The following MGAT4C variants were observed in gnomAD, a reference collection of about 807,000 sequenced individuals.
MGAT4C encodes the protein MGAT4 family member C.
Under a neutral mutation model 40.1 loss-of-function variants are expected in MGAT4C, and 19 were observed. The observed-to-expected ratio is 0.47, with a 90% CI of 0.33 to 0.70. The LOEUF (loss-of-function observed/expected upper bound fraction) is 0.70, where lower values mean the gene tolerates loss of function less well. Ranked by LOEUF, MGAT4C falls within the 30% of genes least tolerant of loss-of-function variation. MGAT4C has a pLI of 0.02. For missense variants in MGAT4C, 491 were observed against 563.2 expected, an observed-to-expected ratio of 0.87 and a Z score of 1.30; for synonymous variants, 181 against 187.1, an observed-to-expected ratio of 0.97 and a Z score of 0.27.
At position 86,579,217 on chromosome 12, in the gene MGAT4C, CT is replaced by C. The variant is rs577868264; in HGVS notation, c.-228-143953del. On this transcript the variant is annotated intron_variant, in intron 2 of 7. Transcript: ENST00000548651. ...ATTGGTTTTCTGATTGTTTTGTGGT[CT>C]TCTCTTCCTCCTTTCTTTTCTTCCT... Among the ~76,000 whole-genome samples the C allele has an allele frequency of 5.3e-5, 8 of 151,436 alleles. No homozygotes were observed. The South Asian group carries it at 1.7e-3, about 31-fold the overall frequency.
intron 2 of MGAT4C, among the ~76,000 whole-genome samples, chr12:86,633,490 A>G (rs1963126237): frequency 6.6e-6 from 1 of 152,090 alleles, no homozygotes; most frequent in Admixed American, 6.6e-5. Context: ...GACTGTGACA[A>G]CCATCCTTTC....
At chr12:86,161,931 T>C (rs367646078) in intron 1 of MGAT4C, among the ~76,000 whole-genome samples, 1 of 151,760 alleles carries the variant, frequency 6.6e-6, no homozygotes, top group East Asian at 1.9e-4. Flanking sequence ...AAAACGTAAA[T>C]CAAAACTACA....
chr12:86,234,613 A>C (rs1306166624), intron 1 of MGAT4C, among the ~76,000 whole-genome samples: 3 of 152,134 alleles, frequency 2.0e-5, no homozygotes, highest in Non-Finnish European at 4.4e-5. Flanking sequence ...AAATCTTGAC[A>C]ACTCATACAT....
chr12:86,782,592 T>A (rs888632325), intron 1 of MGAT4C, among the ~76,000 whole-genome samples: 3 of 152,118 alleles, frequency 2.0e-5, no homozygotes, highest in Non-Finnish European at 2.9e-5. Flanking sequence ...AATGCAAGAT[T>A]TATATTTTGA....
At chr12:86,362,364 C>G (rs536452818) in intron 3 of MGAT4C, among the ~76,000 whole-genome samples, 1 of 152,154 alleles carries the variant, frequency 6.6e-6, no homozygotes, top group Non-Finnish European at 1.5e-5. Context: ...GGAGGGATAG[C>G]ATTAGGAGAA....
intron 1 of MGAT4C, among the ~76,000 whole-genome samples, chr12:86,189,502 C>G (rs2135895257): frequency 6.6e-6 from 1 of 151,928 alleles, no homozygotes; most frequent in South Asian, 2.1e-4. Flanking sequence ...AATTGAATGA[C>G]ACTGAAGAAC....
chr12:86,199,651 CAT>C (rs1460634792), intron 1 of MGAT4C, among the ~76,000 whole-genome samples: 16 of 152,056 alleles, frequency 1.1e-4, no homozygotes, highest in African/African-American at 3.6e-4. Flanking sequence ...TCTATGAAAT[CAT>C]ATACTATAGA....
intron 3 of MGAT4C, among the ~76,000 whole-genome samples, chr12:86,433,333 C>T (rs532057937): frequency 1.6e-5 from 2 of 126,006 alleles, no homozygotes; most frequent in Middle Eastern, 7.6e-3. Context: ...CACATTCACA[C>T]ACACACGTGT....
intron 1 of MGAT4C, among the ~76,000 whole-genome samples, chr12:86,059,340 C>G (rs146648107): frequency 6.6e-6 from 1 of 152,214 alleles, no homozygotes; most frequent in Admixed American, 6.5e-5. Flanking sequence ...CCGCACCCAG[C>G]CTTAACATGT....
intron 1 of MGAT4C, among the ~76,000 whole-genome samples, chr12:86,110,304 A>ATATATATAGACTATATATATATAGAC (rs1877122615): frequency 9.9e-6 from 1 of 101,362 alleles, no homozygotes; most frequent in African/African-American, 4.8e-5. Context: ...GTCTCTCTAT[A>ATATATATAGACTATATATATATAGAC]TATATATATA....
At chr12:86,021,867 T>A (rs563502212) in intron 2 of MGAT4C, among the ~76,000 whole-genome samples, 1 of 152,310 alleles carries the variant, frequency 6.6e-6, no homozygotes, top group East Asian at 1.9e-4. Context: ...GCCACACATT[T>A]TTACTGTACA....
intron 3 of MGAT4C, among the ~76,000 whole-genome samples, chr12:86,354,121 G>A (rs1193191692): frequency 2.0e-5 from 3 of 152,132 alleles, no homozygotes; most frequent in African/African-American, 4.8e-5. Flanking sequence ...TGGACATGCT[G>A]GGCAGACCAA....
intron 3 of MGAT4C, among the ~76,000 whole-genome samples, chr12:86,424,952 T>A (rs1956898040): frequency 2.0e-5 from 3 of 151,984 alleles, no homozygotes; most frequent in Admixed American, 6.6e-5. Flanking sequence ...GAGACGGGGT[T>A]TCACCGTGTT....
intron 2 of MGAT4C, among the ~76,000 whole-genome samples, chr12:86,602,947 T>C (rs1961839775): frequency 6.6e-6 from 1 of 151,280 alleles, no homozygotes; most frequent in South Asian, 2.1e-4. Flanking sequence ...AAGAAGGAAA[T>C]TGTGTCATTT....
chr12:86,786,005 T>A (rs1951925743), intron 1 of MGAT4C, among the ~76,000 whole-genome samples: 1 of 152,094 alleles, frequency 6.6e-6, no homozygotes, highest in African/African-American at 2.4e-5. Context: ...TTTGCTCCCC[T>A]GCTTTGTCTA....
chr12:86,533,539 A>G (rs1471239235), intron 2 of MGAT4C, among the ~76,000 whole-genome samples: 3 of 151,940 alleles, frequency 2.0e-5, no homozygotes, highest in Non-Finnish European at 4.4e-5. Context: ...TCTAAAATGT[A>G]CTAGATAGGC....
chr12:85,979,276 C>G lies in MGAT4C; in HGVS notation c.*13G>C, dbSNP rs1592590526. 1 of 1,561,438 alleles carries G rather than the reference C, an allele frequency of 6.4e-7. No individual in the cohort carries two copies. The highest frequency in any genetic ancestry group is 8.7e-7 in the Non-Finnish European group (1 of 1,153,354). On this transcript the variant is annotated 3_prime_UTR_variant, in exon 5 of 5. Transcript: ENST00000611864. ...AGAACTGCTTCAGAAACTGAACATA[C>G]TGATTTAATTGGCTAAGAAGTCCAA...
chr12:86,001,565 T>A (rs1222626414), intron 2 of MGAT4C: 1 of 899,598 alleles, frequency 1.1e-6, no homozygotes, highest in Non-Finnish European at 1.3e-6. Flanking sequence ...CCTGAGCCAG[T>A]GCTCCAAATG....
intron 2 of MGAT4C, among the ~76,000 whole-genome samples, chr12:86,014,735 G>A (rs759017584): frequency 6.6e-6 from 1 of 152,102 alleles, no homozygotes; most frequent in African/African-American, 2.4e-5. Flanking sequence ...GGAATTTGCT[G>A]AGTTTTTATT....
Sources: gnomAD v4.1 joint callset for allele counts (sites outside exome capture counted in the v4.1 genomes callset) on GRCh38, gnomAD v4.1.1 for gene constraint, MANE v1.5 for transcripts, NCBI Gene and HGNC (gene_info 2026-07-23, HGNC 2026-07-21) for gene names.